Variants in SEL1L2 observed in about 807,000 individuals in gnomAD.
SEL1L2 encodes SEL1L2 adaptor subunit of SYVN1 ubiquitin ligase.
SEL1L2 carries 89 observed loss-of-function variants against 98.8 expected under a neutral mutation model. That is an observed-to-expected ratio of 0.90 (90% CI 0.76 to 1.07). The LOEUF is 1.07. Ranked by LOEUF, SEL1L2 falls within the 50% of genes least tolerant of loss-of-function variation. SEL1L2 has a pLI of 0.00. For missense variants in SEL1L2, 788 were observed against 812.0 expected (o/e 0.97, Z 0.36); for synonymous variants, 262 against 278.5 (o/e 0.94, Z 0.59).
chr20:13,934,603 G>A lies in SEL1L2; in HGVS notation c.115-2832C>T, dbSNP rs1253176366. ...TGTGCAAGTATCTTTTTTGTATAAT[G>A]ACTTCTTTTCCTCTGAGTAGATACC... On this transcript the variant is annotated intron_variant, in intron 2 of 19. Coordinates refer to ENST00000284951, the MANE Select transcript of SEL1L2 (RefSeq NM_025229.2). Among the ~76,000 whole-genome samples the A allele has an allele frequency of 5.4e-5, 8 of 147,576 alleles. No homozygotes were observed. The Admixed American group carries it at 5.6e-4, about 10-fold the overall frequency.
chr20:13,921,746 T>C (rs1295527558), intron 3 of SEL1L2, among the ~76,000 whole-genome samples: 1 of 152,202 alleles, frequency 6.6e-6, no homozygotes, highest in Admixed American at 6.5e-5. Context: ...TTCAAATTTT[T>C]CATCCATTGA....
In SEL1L2 at chr20:13,931,687, G is replaced by C; in HGVS notation, c.199C>G (p.Leu67Val). The change falls in exon 3 of 20, where the codon CTC becomes GTC. Residue 67 changes from leucine (L) to valine (V), a missense_variant. Coordinates refer to ENST00000284951, the MANE Select transcript of SEL1L2 (RefSeq NM_025229.2). ...CGTTGATTCTTCTTTTTCTCCAGGA[G>C]ATTTTCTCTTTTATTGATTACATTA... ...SSNVINKREN[L>V]LEKKKNQRKI... The C allele has an allele frequency of 6.4e-7, 1 of 1,556,144 alleles. No individual in the cohort carries two copies. The highest frequency in any genetic ancestry group is 8.7e-7 in the Non-Finnish European group (1 of 1,148,404).
chr20:13,865,321 G>A, intron 16 of SEL1L2, 28 bp downstream of exon 16: 1 of 1,611,632 alleles, frequency 6.2e-7, no homozygotes, highest in Non-Finnish European at 8.5e-7. Flanking sequence ...ATGATTGGGG[G>A]ATTGCAGAGA....
intron 2 of SEL1L2, among the ~76,000 whole-genome samples, chr20:13,947,961 C>T (rs984589915): frequency 2.0e-5 from 3 of 152,330 alleles, no homozygotes; most frequent in African/African-American, 2.4e-5. Flanking sequence ...ATGCTTGGCT[C>T]GCCCTTGGCA....
chr20:13,966,049 T>G (rs1238215165), intron 1 of SEL1L2, among the ~76,000 whole-genome samples: 2 of 151,976 alleles, frequency 1.3e-5, no homozygotes, highest in South Asian at 4.2e-4. Flanking sequence ...TTACCACATG[T>G]GACAGAGACA....
intron 17 of SEL1L2, among the ~76,000 whole-genome samples, chr20:13,863,417 C>T (rs1191728164): frequency 6.6e-6 from 1 of 152,166 alleles, no homozygotes; most frequent in African/African-American, 2.4e-5. Context: ...GATCAACTGA[C>T]AGTGGAGGGA....
In SEL1L2 at chr20:13,880,600, TCATC is replaced by T. The variant is rs35310861; in HGVS notation, c.958-3016_958-3013del. On this transcript the variant is annotated intron_variant, in intron 10 of 19. Coordinates refer to ENST00000284951, the MANE Select transcript of SEL1L2 (RefSeq NM_025229.2). ...CTCTTGAAGAGTTAAGATCAAGTAC[TCATC>T]CATCCATCCATCCATCCATCCATCC... Among the ~76,000 whole-genome samples the T allele has an allele frequency of 4.5e-3, 669 of 149,724 alleles. 3 individuals carry two copies. The highest frequency in any genetic ancestry group is 0.011 in the African/African-American group (461 of 40,716).
chr20:13,983,748 C>T (rs1325119118), intron 1 of SEL1L2, among the ~76,000 whole-genome samples: 1 of 151,704 alleles, frequency 6.6e-6, no homozygotes, highest in South Asian at 2.1e-4. Context: ...CTCAAACTCC[C>T]GACCTCACGT....
chr20:13,923,530 A>AG (rs549657832), intron 3 of SEL1L2, among the ~76,000 whole-genome samples: 159 of 152,322 alleles, frequency 1.0e-3, no homozygotes, highest in African/African-American at 3.6e-3. Flanking sequence ...GCACTTTGGG[A>AG]GGCCCAGGTG....
intron 5 of SEL1L2, chr20:13,913,490 T>C: frequency 4.3e-6 from 1 of 232,492 alleles, no homozygotes; most frequent in Non-Finnish European, 8.2e-6. Context: ...ACATTTAGCT[T>C]ATAAAATATT....
At chr20:13,887,094 CT>C (rs2046992422) in intron 8 of SEL1L2, among the ~76,000 whole-genome samples, 1 of 152,096 alleles carries the variant, frequency 6.6e-6, no homozygotes, top group Admixed American at 6.5e-5. Flanking sequence ...ATAATCACTG[CT>C]CTTTAATTAC....
chr20:13,940,709 G>T (rs990296399), intron 2 of SEL1L2, among the ~76,000 whole-genome samples: 2 of 152,122 alleles, frequency 1.3e-5, no homozygotes, highest in Admixed American at 1.3e-4. Flanking sequence ...CAAAATGGGC[G>T]AATCACCTGA....
At chr20:13,876,373 T>C (rs1419990168) in intron 11 of SEL1L2, among the ~76,000 whole-genome samples, 3 of 149,324 alleles carry the variant, frequency 2.0e-5, no homozygotes, top group Non-Finnish European at 4.4e-5. Flanking sequence ...GGCAAAGAAA[T>C]GGACCCTGTT....
chr20:13,918,907 C>A, intron 4 of SEL1L2, 114 bp downstream of exon 4: 1 of 675,356 alleles, frequency 1.5e-6, no homozygotes, highest in South Asian at 1.9e-5. Flanking sequence ...AGTTTATGGG[C>A]AAATAGGCTT....
At chr20:13,915,821 G>A (rs1001710740) in intron 4 of SEL1L2, among the ~76,000 whole-genome samples, 7 of 152,168 alleles carry the variant, frequency 4.6e-5, no homozygotes, top group African/African-American at 1.7e-4. Flanking sequence ...GGTGGGAGAA[G>A]CTGGGCAGCA....
At chr20:13,907,396 C>T (rs1352467258) in intron 5 of SEL1L2, among the ~76,000 whole-genome samples, 1 of 151,832 alleles carries the variant, frequency 6.6e-6, no homozygotes, top group Non-Finnish European at 1.5e-5. Flanking sequence ...GAAATCCTGT[C>T]TTAAAAAAAA....
At chr20:13,885,582 T>C (rs2046912046) in intron 9 of SEL1L2, among the ~76,000 whole-genome samples, 179 bp from the exon 10 acceptor site, 1 of 152,196 alleles carries the variant, frequency 6.6e-6, no homozygotes, top group South Asian at 2.1e-4. Flanking sequence ...CTGCTGGACA[T>C]ATGGCTTCCT....
At chr20:13,993,167 A>G (rs1350391082), upstream of SEL1L2, among the ~76,000 whole-genome samples, 2 of 152,242 alleles carry the variant, frequency 1.3e-5, no homozygotes, top group East Asian at 1.9e-4. Context: ...AGTCTTTGCA[A>G]TAGTCCAGCT....
intron 12 of SEL1L2, among the ~76,000 whole-genome samples, chr20:13,872,151 G>A (rs144914567): frequency 2.2e-4 from 34 of 152,280 alleles, no homozygotes; most frequent in African/African-American, 7.9e-4. Flanking sequence ...ATCTCCTGTG[G>A]TTCTGGGAGT....
Sources: allele counts gnomAD v4.1 joint callset (sites outside exome capture counted in the v4.1 genomes callset), GRCh38; gene constraint gnomAD v4.1.1; transcripts MANE v1.5; gene names NCBI Gene and HGNC (gene_info 2026-07-23, HGNC 2026-07-21).